ZNF282: variants seen among roughly 807,000 people sequenced by gnomAD.
The protein encoded by ZNF282 is HTLV-I U5 repressive element-binding protein 1.
Under a neutral mutation model 61.9 loss-of-function variants are expected in ZNF282, and 30 were observed. The ratio of observed to expected loss-of-function variants is 0.48; its 90% CI spans 0.36 to 0.66. ZNF282 has a LOEUF of 0.66. Ranked by LOEUF, ZNF282 falls within the 30% of genes least tolerant of loss-of-function variation. ZNF282 has a pLI of 0.00. For missense variants in ZNF282, 788 were observed against 941.4 expected, an observed-to-expected ratio of 0.84 and a Z score of 2.13; for synonymous variants, 396 against 405.0, an observed-to-expected ratio of 0.98 and a Z score of 0.27.
rs200312398 is a variant in ZNF282 at position 149,207,337 on chromosome 7, C to T, written c.713-14C>T. ...ACTTCACTCAGCCTTTCCCTCCCTC[C>T]TCCTCACTTCCAGACGCGGAGGGCT... On this transcript the variant is annotated splice_polypyrimidine_tract_variant and intron_variant, in intron 3 of 7. Coordinates refer to ENST00000610704, the MANE Select transcript of ZNF282 (RefSeq NM_003575.4). The T allele has an allele frequency of 2.5e-4, 392 of 1,585,782 alleles. No homozygotes were observed. The highest frequency in any genetic ancestry group is 3.2e-4 in the Non-Finnish European group (377 of 1,164,032).
chr7:149,201,201 C>T (rs1375242270), intron 2 of ZNF282, among the ~76,000 whole-genome samples: 2 of 152,208 alleles, frequency 1.3e-5, no homozygotes, highest in Non-Finnish European at 2.9e-5. Context: ...CTCTTTCTCA[C>T]ACCCTACTTC....
intron 1 of ZNF282, among the ~76,000 whole-genome samples, chr7:149,197,169 TC>T (rs1203018564): frequency 6.6e-6 from 1 of 152,170 alleles, no homozygotes; most frequent in Non-Finnish European, 1.5e-5. Context: ...AGTTTACCCT[TC>T]TGGGGTGAGG....
intron 7 of ZNF282, among the ~76,000 whole-genome samples, chr7:149,222,538 G>A (rs982742539): frequency 3.3e-5 from 5 of 152,136 alleles, no homozygotes; most frequent in Non-Finnish European, 5.9e-5. Flanking sequence ...TGTAATCCCA[G>A]CACTTTGGGA....
chr7:149,213,937 C>T (rs748065196), intron 7 of ZNF282, 123 bp downstream of exon 7: 31 of 646,564 alleles, frequency 4.8e-5, no homozygotes, highest in Non-Finnish European at 7.7e-5. Flanking sequence ...TTGATGGCAG[C>T]GTTTCAAAGT....
intron 7 of ZNF282, among the ~76,000 whole-genome samples, chr7:149,216,955 A>G (rs2269972): frequency 0.54 from 81,530 of 152,096 alleles, 24,857 homozygotes; most frequent in East Asian, 0.87. Flanking sequence ...GCCCAAAGTT[A>G]ATGTACATCA....
At chr7:149,196,226 C>G (rs932540813) in intron 1 of ZNF282, among the ~76,000 whole-genome samples, 13 of 152,194 alleles carry the variant, frequency 8.5e-5, no homozygotes, top group Admixed American at 2.0e-4. Flanking sequence ...CACCTTTCAC[C>G]AAGTGTAATG....
In ZNF282 at chr7:149,198,693, C is replaced by T. The variant is rs1337861501; in HGVS notation, c.526C>T (p.Arg176Cys). 4.3e-6 allele frequency: 7 copies of T among 1,613,790 alleles called. No homozygotes were observed. Among genetic ancestry groups the T allele is most frequent in the Non-Finnish European group, 5.9e-6 (7 of 1,180,000 alleles). ...RRLENLENLL[R>C]NRNFWVLRLP... ...GCTGGAGAACTTGGAGAACTTGCTG[C>T]GCAACAGGAACTTCTGGGTCCTGCG... Residue 176 changes from arginine to cysteine, a missense_variant, in exon 2 of 8, where the codon CGC becomes TGC. Around this residue, in one of 3 missense-constraint regions of ZNF282, gnomAD observed 92 missense variants for 163.9 expected, o/e 0.56. Coordinates refer to ENST00000610704, the MANE Select transcript of ZNF282 (RefSeq NM_003575.4). The surrounding 1 kb of genome is among the most constrained non-coding windows in gnomAD (Gnocchi z 4.3).
At chr7:149,196,877 C>T (rs1259183836) in intron 1 of ZNF282, among the ~76,000 whole-genome samples, 1 of 152,140 alleles carries the variant, frequency 6.6e-6, no homozygotes, top group African/African-American at 2.4e-5. Context: ...CAGGTCTGCC[C>T]CGGAGCAGGG....
At chr7:149,202,302 G>T (rs1408135209) in intron 2 of ZNF282, among the ~76,000 whole-genome samples, 1 of 150,638 alleles carries the variant, frequency 6.6e-6, no homozygotes, top group Non-Finnish European at 1.5e-5. Flanking sequence ...GTGCCACCAT[G>T]CCCGGCTAAT....
At chr7:149,220,557 G>C (rs66754060) in intron 7 of ZNF282, among the ~76,000 whole-genome samples, 1 of 152,096 alleles carries the variant, frequency 6.6e-6, no homozygotes, top group African/African-American at 2.4e-5. Context: ...GACCATCCTC[G>C]GTGTGGCTTC....
At chr7:149,209,613 G>C (rs1796049872) in intron 4 of ZNF282, among the ~76,000 whole-genome samples, 3 of 152,202 alleles carry the variant, frequency 2.0e-5, no homozygotes, top group Admixed American at 2.0e-4. Flanking sequence ...AGGGATCACT[G>C]TGTCCTTTTT....
intron 3 of ZNF282, 45 bp from the exon 4 acceptor site, chr7:149,207,306 T>G: frequency 6.4e-7 from 1 of 1,565,204 alleles, no homozygotes; most frequent in Non-Finnish European, 8.7e-7. Flanking sequence ...CTGGATGCGT[T>G]GGTCAACTTC....
At chr7:149,208,691 C>G (rs1457688627) in intron 4 of ZNF282, among the ~76,000 whole-genome samples, 2 of 151,974 alleles carry the variant, frequency 1.3e-5, no homozygotes, top group Non-Finnish European at 2.9e-5. Flanking sequence ...CAACCAAAAT[C>G]ATTATCTAAT....
intron 1 of ZNF282, among the ~76,000 whole-genome samples, chr7:149,197,012 G>T (rs1222098512): frequency 6.6e-6 from 1 of 152,328 alleles, no homozygotes; most frequent in Non-Finnish European, 1.5e-5. Flanking sequence ...ACCTCTTCCT[G>T]TCCCAGGTGT....
intron 2 of ZNF282, among the ~76,000 whole-genome samples, chr7:149,202,843 G>A (rs1795935491): frequency 6.6e-6 from 1 of 152,132 alleles, no homozygotes; most frequent in African/African-American, 2.4e-5. Context: ...GTTGCCTGCT[G>A]CATCCCTGTG....
Position 149,198,626 on chromosome 7 carries a change from G to A in ZNF282, c.459G>A (p.Val153=). ...FGNHMESKWA[V]LGTLLQEYGL... is the part of the protein sequence containing the mutation. Reference sequence around the variant, plus strand: ...ACCACATGGAGAGCAAGTGGGCCGTGCTGGGGACCCTGCTGCAGGAGTACG... The same window carrying A: ...ACCACATGGAGAGCAAGTGGGCCGTACTGGGGACCCTGCTGCAGGAGTACG... Residue 153 remains valine (V), a synonymous_variant, in exon 2 of 8, where the codon GTG becomes GTA. Transcript: ENST00000610704. This position sits in a 1 kb window ranked among gnomAD's most constrained non-coding sequence, Gnocchi z 4.3. 3 of 1,614,194 alleles carry A rather than the reference G, an allele frequency of 1.9e-6. No individual in the cohort carries two copies. The highest frequency in any genetic ancestry group is 2.5e-6 in the Non-Finnish European group (3 of 1,180,034).
At chr7:149,203,795 A>G (rs1795950456) in intron 2 of ZNF282, among the ~76,000 whole-genome samples, 1 of 152,242 alleles carries the variant, frequency 6.6e-6, no homozygotes, top group Non-Finnish European at 1.5e-5. Context: ...CAGGGTTATT[A>G]TCAATAAAAC....
chr7:149,210,749 G>T, intron 5 of ZNF282, 45 bp downstream of exon 5: 1 of 1,506,278 alleles, frequency 6.6e-7, no homozygotes, highest in East Asian at 2.4e-5. Flanking sequence ...GGGAGGGGAG[G>T]GGAGAGGGTT....
At chr7:149,201,497 A>C (rs1327189836) in intron 2 of ZNF282, among the ~76,000 whole-genome samples, 1 of 152,110 alleles carries the variant, frequency 6.6e-6, no homozygotes. Context: ...TCACGCCCAT[A>C]ATCCCAGCAC....
Sources: gnomAD v4.1 joint callset for allele counts (sites outside exome capture counted in the v4.1 genomes callset) on GRCh38, gnomAD v4.1.1 for gene constraint, gnomAD v4.1.1 regional missense constraint, Gnocchi (gnomAD v3.1) non-coding constraint, MANE v1.5 for transcripts, NCBI Gene and HGNC (gene_info 2026-07-23, HGNC 2026-07-21) for gene names.